Variants in SUMF1 observed in about 807,000 individuals in gnomAD.
The protein encoded by SUMF1 is sulfatase modifying factor 1, also known as formylglycine-generating enzyme.
SUMF1 carries 48 observed loss-of-function variants against 47.6 expected under a neutral mutation model. The observed-to-expected ratio is 1.01, with a 90% CI of 0.80 to 1.28. The LOEUF (loss-of-function observed/expected upper bound fraction) is 1.28, where lower values mean the gene tolerates loss of function less well. Ranked by LOEUF, SUMF1 falls within the 50% of genes most tolerant of loss-of-function variation. The pLI is 0.00. For synonymous variants in SUMF1, 230 were observed against 192.1 expected (o/e 1.20, Z -1.63); for missense variants, 571 against 485.4 (o/e 1.18, Z -1.66).
At chr3:4,219,542 A>G (rs1574990649) in intron 8 of SUMF1, among the ~76,000 whole-genome samples, 1 of 152,280 alleles carries the variant, frequency 6.6e-6, no homozygotes, top group East Asian at 1.9e-4. Flanking sequence ...TCCCACAGTC[A>G]TGGTTGTCTA....
At chr3:4,258,669 T>C (rs1267614584) in intron 8 of SUMF1, among the ~76,000 whole-genome samples, 2 of 151,168 alleles carry the variant, frequency 1.3e-5, no homozygotes, top group African/African-American at 2.4e-5. Context: ...TTGGTGGGAC[T>C]GTAAACTGGT....
intron 8 of SUMF1, among the ~76,000 whole-genome samples, chr3:4,110,194 G>C (rs1374543397): frequency 1.3e-5 from 2 of 152,120 alleles, no homozygotes; most frequent in Non-Finnish European, 2.9e-5. Context: ...GTCCACTCCA[G>C]ACCCTGTTTG....
At chr3:4,381,716 T>A (rs936809406) in intron 7 of SUMF1, among the ~76,000 whole-genome samples, 6 of 152,206 alleles carry the variant, frequency 3.9e-5, no homozygotes, top group Admixed American at 3.3e-4. Context: ...GAATTCCAGA[T>A]AATTAATGCA....
chr3:4,171,327 A>G (rs931194040), intron 8 of SUMF1, among the ~76,000 whole-genome samples: 4 of 152,270 alleles, frequency 2.6e-5, no homozygotes, highest in South Asian at 4.2e-4. Context: ...ACATGAGTCT[A>G]TAAGTAGGTC....
Position 4,361,985 on chromosome 3 carries a change from C to A in SUMF1, c.*159G>T. 1 of 654,674 alleles carries A rather than the reference C, an allele frequency of 1.5e-6. No homozygotes were observed. The highest frequency in any genetic ancestry group is 1.8e-5 in the South Asian group (1 of 56,704). The allele number at this position is 654,674 out of a possible 1,614,324, so 40.6% of individuals were successfully genotyped here. A position where few individuals can be genotyped will look rare whatever the true frequency, so the allele number is the denominator to read the frequency against. On this transcript the variant is annotated 3_prime_UTR_variant, in exon 9 of 9. Coordinates refer to ENST00000272902, the MANE Select transcript of SUMF1 (RefSeq NM_182760.4). ...AAGCACATGCACTGACCCAGGTCAGCAATTTGGTCTCACAAGGCGGTTCCT... is the reference window on the plus strand; with the variant it reads ...AAGCACATGCACTGACCCAGGTCAGAAATTTGGTCTCACAAGGCGGTTCCT...
intron 8 of SUMF1, among the ~76,000 whole-genome samples, chr3:4,340,991 A>T (rs9847079): frequency 0.15 from 22,379 of 151,916 alleles, 1,796 homozygotes; most frequent in Middle Eastern, 0.22. Context: ...TCCACACAAT[A>T]TCCTTTGTGT....
At chr3:4,310,035 G>A (rs889544129) in intron 8 of SUMF1, among the ~76,000 whole-genome samples, 3 of 152,186 alleles carry the variant, frequency 2.0e-5, no homozygotes, top group South Asian at 2.1e-4. Flanking sequence ...TGCACAGAAT[G>A]TTGCTACACT....
At chr3:4,368,769 G>C (rs1312765326) in intron 8 of SUMF1, among the ~76,000 whole-genome samples, 8 of 152,192 alleles carry the variant, frequency 5.3e-5, no homozygotes, top group African/African-American at 1.9e-4. Context: ...GGTATTCAGT[G>C]ATTAACCACA....
At chr3:4,359,605 G>A (rs1699697573), downstream of SUMF1, among the ~76,000 whole-genome samples, 1 of 152,126 alleles carries the variant, frequency 6.6e-6, no homozygotes, top group Admixed American at 6.6e-5. Flanking sequence ...TTACAATCAT[G>A]GTGGAAGGCA....
chr3:4,207,493 T>C (rs1383528712), intron 8 of SUMF1, among the ~76,000 whole-genome samples: 1 of 152,148 alleles, frequency 6.6e-6, no homozygotes, highest in Non-Finnish European at 1.5e-5. Flanking sequence ...TTATTTCTAG[T>C]TTGTTGAAAA....
intron 9 of SUMF1, among the ~76,000 whole-genome samples, chr3:4,059,445 C>T (rs1695242602): frequency 6.6e-6 from 1 of 152,148 alleles, no homozygotes; most frequent in African/African-American, 2.4e-5. Context: ...TAAAGGACAT[C>T]TAAAAGTGCA....
chr3:4,198,541 G>C (rs552107353), intron 8 of SUMF1, among the ~76,000 whole-genome samples: 1 of 152,158 alleles, frequency 6.6e-6, no homozygotes, highest in East Asian at 1.9e-4. Context: ...CAACCATCTT[G>C]GAAATGGCAG....
chr3:4,127,879 G>C (rs1693691660), intron 8 of SUMF1, among the ~76,000 whole-genome samples: 1 of 152,046 alleles, frequency 6.6e-6, no homozygotes, highest in African/African-American at 2.4e-5. Flanking sequence ...ACAGTATGGA[G>C]AACAGTGATA....
intron 8 of SUMF1, among the ~76,000 whole-genome samples, chr3:4,374,041 T>C (rs1700249673): frequency 6.6e-6 from 1 of 152,156 alleles, no homozygotes; most frequent in Non-Finnish European, 1.5e-5. Flanking sequence ...TCTCAAGCTG[T>C]AAAGGGCATG....
At chr3:4,063,176 C>T (rs933018151) in intron 9 of SUMF1, among the ~76,000 whole-genome samples, 2 of 152,082 alleles carry the variant, frequency 1.3e-5, no homozygotes, top group Non-Finnish European at 2.9e-5. Context: ...ACCAGTAGAG[C>T]GTTCAGGGCC....
Position 4,394,915 on chromosome 3 carries a change from G to T in SUMF1, c.954+15950C>A, listed in dbSNP as rs553425316. Among the ~76,000 whole-genome samples, 6 of 152,244 alleles carry T rather than the reference G, an allele frequency of 3.9e-5. No individual in the cohort carries two copies. In the East Asian group the frequency reaches 1.2e-3, roughly 29 times the overall value. On this transcript the variant is annotated intron_variant, in intron 7 of 8. Transcript: ENST00000272902. ...TCTGCACATCTTCCTCCTAAAAGAA[G>T]CCTCTTTCAATCACCTCAACCATCT...
intron 8 of SUMF1, among the ~76,000 whole-genome samples, chr3:4,196,081 T>C (rs185074466): frequency 5.3e-5 from 8 of 152,112 alleles, no homozygotes; most frequent in Admixed American, 3.3e-4. Flanking sequence ...TTAGGCTACA[T>C]GGAGCAGAAC....
chr3:4,425,493 T>A (rs1026821159), intron 3 of SUMF1, among the ~76,000 whole-genome samples: 1 of 152,148 alleles, frequency 6.6e-6, no homozygotes, highest in African/African-American at 2.4e-5. Context: ...CCATATCTGT[T>A]CAGCTTGAGC....
chr3:4,248,814 G>A (rs192628789), intron 8 of SUMF1, among the ~76,000 whole-genome samples: 1 of 152,302 alleles, frequency 6.6e-6, no homozygotes, highest in East Asian at 1.9e-4. Context: ...GTGTTGATGA[G>A]AGCAACATGT....
Sources: allele counts gnomAD v4.1 joint callset (sites outside exome capture counted in the v4.1 genomes callset), GRCh38; gene constraint gnomAD v4.1.1; transcripts MANE v1.5; gene names NCBI Gene and HGNC (gene_info 2026-07-23, HGNC 2026-07-21).